Variants in MRC1 observed in about 807,000 individuals in gnomAD.
MRC1 encodes the protein mannose receptor C-type 1, also known as macrophage mannose receptor 1.
In MRC1, 62 loss-of-function variants were observed where a neutral mutation model predicts 102.9. The observed-to-expected ratio is 0.60, with a 90% confidence interval of 0.49 to 0.74. The LOEUF (loss-of-function observed/expected upper bound fraction) is 0.74, where lower values mean the gene tolerates loss of function less well. MRC1 is among the 30% of genes least tolerant of loss of function. The pLI, the probability that MRC1 is intolerant of heterozygous loss-of-function variation, is 0.00. For synonymous variants in MRC1, 457 were observed against 298.4 expected, an observed-to-expected ratio of 1.53 and a Z score of -5.48; for missense variants, 1,237 against 862.8, an observed-to-expected ratio of 1.43 and a Z score of -5.43.
At position 17,900,897 on chromosome 10, in the gene MRC1, A is replaced by G. The variant is rs1330603655; in HGVS notation, c.3593A>G (p.Tyr1198Cys). The change falls in exon 25 of 30, where the codon TAC becomes TGC. Residue 1198 changes from tyrosine (Y) to cysteine (C), a missense_variant. Tyr to Cys is a radical substitution (Grantham distance 194). Transcript: ENST00000569591. The part of the protein sequence containing the change: ...SACVYLDLDG[Y>C]WKTAHCNESF... ...TGTGTTTATCTGGATCTTGATGGCTACTGGAAGACAGCACATTGCAATGAA... is the reference window on the plus strand; with the variant it reads ...TGTGTTTATCTGGATCTTGATGGCTGCTGGAAGACAGCACATTGCAATGAA... 1.3e-6 allele frequency: 1 copy of G among 780,814 alleles called. No individual in the cohort carries two copies. The highest frequency in any genetic ancestry group is 1.3e-5 in the South Asian group (1 of 74,622). 48.4% of individuals were successfully genotyped at this position (780,814 alleles called of 1,614,324 possible).
chr10:17,861,431 G>T lies in MRC1; in HGVS notation c.1563G>T (p.Thr521=), dbSNP rs35125060. 1 of 872,324 alleles carries T rather than the reference G, an allele frequency of 1.1e-6. No individual in the cohort carries two copies. The highest frequency in any genetic ancestry group is 1.6e-5 in the African/African-American group (1 of 61,264). The allele number at this position is 872,324 out of a possible 1,614,324, so 54.0% of individuals were successfully genotyped here. A position where few individuals can be genotyped will look rare whatever the true frequency, so the allele number is the denominator to read the frequency against. The change falls in exon 10 of 30, where the codon ACG becomes ACT. Residue 521 remains threonine (T), a synonymous_variant. Coordinates refer to ENST00000569591, the MANE Select transcript of MRC1 (RefSeq NM_002438.4). ...TTTACTGCTATATGATTGGACATAC[G>T]CTTTCAACATTTGCAGAAGCAAACC... The part of the protein sequence containing the change: ...HHFYCYMIGH[T]LSTFAEANQT...
rs1162990732 is a variant in MRC1 at position 17,813,650 on chromosome 10, CAT to C, written c.61+4136_61+4137del. ...TAGATTTTATATATATAAATATATA[CAT>C]ATATATATATACACACACACACACA... is the stretch of plus-strand genomic sequence containing the variant. On this transcript the variant is annotated intron_variant, in intron 1 of 29. Coordinates refer to ENST00000569591, the MANE Select transcript of MRC1 (RefSeq NM_002438.4). Among the ~76,000 whole-genome samples, 349 of 128,748 alleles carry C rather than the reference CAT, an allele frequency of 2.7e-3. 3 individuals are homozygous for C. The highest frequency in any genetic ancestry group is 9.0e-3 in the African/African-American group (319 of 35,624). 84.5% of individuals were successfully genotyped at this position (128,748 alleles called of 152,430 possible).
At chr10:17,873,170 C>T (rs1007017399) in intron 15 of MRC1, among the ~76,000 whole-genome samples, 27 of 152,230 alleles carry the variant, frequency 1.8e-4, no homozygotes, top group Middle Eastern at 6.8e-3. Flanking sequence ...CCAGATATAT[C>T]ATTAACTAAT....
intron 1 of MRC1, among the ~76,000 whole-genome samples, chr10:17,816,339 G>A (rs1589162456): frequency 6.6e-6 from 1 of 152,182 alleles, no homozygotes; most frequent in Non-Finnish European, 1.5e-5. Context: ...AGTGAGCCCA[G>A]GAAACACTGA....
At chr10:17,871,545 CAAG>C (rs1423872380) in intron 14 of MRC1, among the ~76,000 whole-genome samples, 7 of 152,040 alleles carry the variant, frequency 4.6e-5, no homozygotes, top group Non-Finnish European at 7.4e-5. Flanking sequence ...TTTTCTTTTG[CAAG>C]AAGAATAAAT....
intron 1 of MRC1, among the ~76,000 whole-genome samples, chr10:17,811,487 T>C (rs904852272): frequency 7.2e-5 from 11 of 152,034 alleles, no homozygotes; most frequent in African/African-American, 2.4e-4. Flanking sequence ...ATCTGTTTAC[T>C]TGGAGAATAA....
chr10:17,883,808 G>A (rs1288100761), intron 21 of MRC1, among the ~76,000 whole-genome samples: 1 of 152,198 alleles, frequency 6.6e-6, no homozygotes, highest in African/African-American at 2.4e-5. Context: ...GATGGCAGCT[G>A]CCATGGGAGG....
At chr10:17,831,594 T>A (rs1450002071) in intron 3 of MRC1, among the ~76,000 whole-genome samples, 3 of 151,550 alleles carry the variant, frequency 2.0e-5, no homozygotes, top group African/African-American at 7.3e-5. Flanking sequence ...TACAAGAGTG[T>A]AGGCTATGTG....
chr10:17,906,821 T>C (rs1420857044), intron 26 of MRC1, 65 bp from the exon 27 acceptor site: 16 of 780,348 alleles, frequency 2.1e-5, no homozygotes, highest in Middle Eastern at 2.3e-4. Context: ...AGCAGTGCTG[T>C]TTACAAAAAT....
At chr10:17,854,830 A>C (rs1027316676) in intron 8 of MRC1, 1 of 164,224 alleles carries the variant, frequency 6.1e-6, no homozygotes, top group Non-Finnish European at 1.3e-5. Context: ...CTGAGATTAC[A>C]AGCGTGCACC....
At chr10:17,863,292 GT>G (rs1342743273) in intron 10 of MRC1, among the ~76,000 whole-genome samples, 1 of 152,132 alleles carries the variant, frequency 6.6e-6, no homozygotes, top group Non-Finnish European at 1.5e-5. Context: ...GAGGGAGATG[GT>G]TTGAGTATCT....
chr10:17,869,446 C>T (rs1833323513), intron 12 of MRC1, among the ~76,000 whole-genome samples: 1 of 151,912 alleles, frequency 6.6e-6, no homozygotes, highest in Non-Finnish European at 1.5e-5. Context: ...AATTTTTTTT[C>T]CCACAAGGCT....
Position 17,910,795 on chromosome 10 carries a change from G to T in MRC1, c.*330G>T. 3.3e-6 allele frequency: 1 copy of T among 298,882 alleles called. No homozygotes were observed. The highest frequency in any genetic ancestry group is 3.9e-5 in the South Asian group (1 of 25,410). The allele number at this position is 298,882 out of a possible 1,614,324, so 18.5% of individuals were successfully genotyped here. On this transcript the variant is annotated 3_prime_UTR_variant, in exon 30 of 30. Transcript: ENST00000569591. ...ACTCTAGAAACAATGAAGCTTCTTG[G>T]CATATTTTAAGGAGCTCCCAAAATG... is the stretch of plus-strand genomic sequence containing the variant.
chr10:17,902,475 T>G (rs1430477407), intron 26 of MRC1, among the ~76,000 whole-genome samples: 1 of 152,176 alleles, frequency 6.6e-6, no homozygotes, highest in Non-Finnish European at 1.5e-5. Context: ...AACTGTTTTG[T>G]TGTACCATTA....
chr10:17,901,030 T>G, intron 25 of MRC1, 77 bp downstream of exon 25: 1 of 733,252 alleles, frequency 1.4e-6, no homozygotes. Flanking sequence ...TTGATATTAT[T>G]AAACAGTAAT....
chr10:17,812,478 C>G (rs1024236805), intron 1 of MRC1, among the ~76,000 whole-genome samples: 2 of 151,892 alleles, frequency 1.3e-5, no homozygotes, highest in Non-Finnish European at 2.9e-5. Context: ...TACTGATGTC[C>G]ATGCTGTAAA....
chr10:17,887,436 A>G (rs1468713379), intron 22 of MRC1, among the ~76,000 whole-genome samples: 1 of 152,194 alleles, frequency 6.6e-6, no homozygotes, highest in Non-Finnish European at 1.5e-5. Flanking sequence ...AAAACTGGTG[A>G]TGGGTAAATA....
At position 17,831,186 on chromosome 10, in the gene MRC1, C is replaced by A. The variant is rs1045099040; in HGVS notation, c.638-2489C>A. On this transcript the variant is annotated intron_variant, in intron 3 of 29. Transcript: ENST00000569591. ...CTGGGATTGCAGTCGTGAGCCATGG[C>A]GCCCGCATTTTCTACCATATTATAA... 8.6e-5 allele frequency among the ~76,000 whole-genome samples: 13 copies of A among 150,638 alleles called. 1 individual carries two copies. Among genetic ancestry groups the A allele is most frequent in the African/African-American group, 3.2e-4 (13 of 40,194 alleles).
chr10:17,832,716 T>A (rs1201919522), intron 3 of MRC1, among the ~76,000 whole-genome samples: 1 of 150,322 alleles, frequency 6.7e-6, no homozygotes, highest in African/African-American at 2.5e-5. Context: ...GCCTCCCGAG[T>A]AGCTGGGACT....
Sources: allele counts gnomAD v4.1 joint callset (sites outside exome capture counted in the v4.1 genomes callset), GRCh38; gene constraint gnomAD v4.1.1; transcripts MANE v1.5; gene names NCBI Gene and HGNC (gene_info 2026-07-23, HGNC 2026-07-21).